CABIN1: variants seen among roughly 807,000 people sequenced by gnomAD.
The protein encoded by CABIN1 is calcineurin-binding protein cabin-1.
A neutral mutation model predicts 227.7 loss-of-function variants in CABIN1; 133 were observed. The observed-to-expected ratio is 0.58, with a 90% CI of 0.51 to 0.67. The LOEUF is 0.67. Among genes scored for constraint, CABIN1 ranks in the 30% least tolerant of loss-of-function variants. The pLI is 0.00. For synonymous variants in CABIN1, 1,086 were observed against 1,155.1 expected, an observed-to-expected ratio of 0.94 and a Z score of 1.21; for missense variants, 2,408 against 2,852.5, an observed-to-expected ratio of 0.84 and a Z score of 3.55.
chr22:24,052,800 A>T (rs1364003892), intron 8 of CABIN1, among the ~76,000 whole-genome samples: 1 of 151,782 alleles, frequency 6.6e-6, no homozygotes, highest in Non-Finnish European at 1.5e-5. Flanking sequence ...CAAAAAAAAA[A>T]AAAAAATTAA....
chr22:24,023,302 A>C (rs1467191547), intron 1 of CABIN1, among the ~76,000 whole-genome samples: 1 of 152,196 alleles, frequency 6.6e-6, no homozygotes, highest in African/African-American at 2.4e-5. Flanking sequence ...ATTGGTGGAC[A>C]CTTGGTTTGT....
At chr22:24,120,211 G>C (rs116684304) in intron 28 of CABIN1, among the ~76,000 whole-genome samples, 1 of 152,148 alleles carries the variant, frequency 6.6e-6, no homozygotes, top group Non-Finnish European at 1.5e-5. Context: ...CTTGTCGCTG[G>C]TGCAGCTGCC....
chr22:24,161,021 TTCC>T (rs2046122934), intron 29 of CABIN1, among the ~76,000 whole-genome samples: 1 of 152,236 alleles, frequency 6.6e-6, no homozygotes, highest in Admixed American at 6.5e-5. Flanking sequence ...GAGGCTCTGT[TTCC>T]TCAAGAGCAG....
chr22:24,060,827 G>A (rs553117827), intron 12 of CABIN1, among the ~76,000 whole-genome samples: 3 of 152,270 alleles, frequency 2.0e-5, no homozygotes, highest in Middle Eastern at 3.4e-3. Flanking sequence ...GTGAACCCGG[G>A]AGGCGGAGCT....
chr22:24,056,087 T>C (rs1242460751), intron 9 of CABIN1, 105 bp from the exon 10 acceptor site: 3 of 989,126 alleles, frequency 3.0e-6, no homozygotes, highest in Admixed American at 1.9e-5. Flanking sequence ...TGTCAAAGAG[T>C]TTAATGCTAG....
intron 4 of CABIN1, 116 bp downstream of exon 4, chr22:24,038,577 CATT>C: frequency 1.3e-6 from 1 of 746,500 alleles, no homozygotes; most frequent in Non-Finnish European, 2.4e-6. Flanking sequence ...ACCTTGAAAA[CATT>C]ATTTCACCTC....
intron 29 of CABIN1, among the ~76,000 whole-genome samples, chr22:24,159,721 G>C (rs2046040249): frequency 6.6e-6 from 1 of 152,164 alleles, no homozygotes; most frequent in East Asian, 1.9e-4. Flanking sequence ...TGGCAGCAGG[G>C]GACAGCTGGA....
chr22:24,072,328 T>A, intron 17 of CABIN1, 26 bp from the exon 18 acceptor site: 1 of 1,613,996 alleles, frequency 6.2e-7, no homozygotes, highest in East Asian at 2.2e-5. Flanking sequence ...GTGACACTTC[T>A]GCTGTCTCCC....
At chr22:24,072,998 CAGA>C (rs1271823989) in intron 18 of CABIN1, among the ~76,000 whole-genome samples, 2 of 152,200 alleles carry the variant, frequency 1.3e-5, no homozygotes, top group African/African-American at 4.8e-5. Context: ...ATATCTACCT[CAGA>C]AGGTTATTCT....
intron 25 of CABIN1, among the ~76,000 whole-genome samples, chr22:24,096,709 A>G (rs1186546910): frequency 6.6e-6 from 1 of 152,194 alleles, no homozygotes; most frequent in Non-Finnish European, 1.5e-5. Context: ...TTGGGGTGAC[A>G]TGGGGAATGT....
chr22:24,155,934 C>T (rs1428509593), intron 29 of CABIN1: 1 of 506,398 alleles, frequency 2.0e-6, no homozygotes, highest in South Asian at 2.5e-5. Flanking sequence ...CCTGGGCCCG[C>T]TTCCAGTAGA....
At chr22:24,143,365 G>A (rs2044895427) in intron 29 of CABIN1, among the ~76,000 whole-genome samples, 1 of 152,228 alleles carries the variant, frequency 6.6e-6, no homozygotes, top group African/African-American at 2.4e-5. Context: ...TGGGATTCCA[G>A]ACTGAGAGGG....
chr22:24,113,850 C>T, intron 27 of CABIN1, 102 bp downstream of exon 27: 2 of 1,242,956 alleles, frequency 1.6e-6, no homozygotes, highest in Non-Finnish European at 2.3e-6. Flanking sequence ...CTGGGCAAGT[C>T]ACTTACTCCC....
intron 29 of CABIN1, among the ~76,000 whole-genome samples, chr22:24,158,245 A>G (rs2045953073): frequency 6.6e-6 from 1 of 152,124 alleles, no homozygotes; most frequent in South Asian, 2.1e-4. Flanking sequence ...GGAAGACAGA[A>G]CACTCACCCA....
Position 24,072,521 on chromosome 22 carries a change from A to T in CABIN1, c.2632+11A>T, listed in dbSNP as rs2040163590. ...ACCCAGCGGAGGAAGGTGCACAGGCAGTGGGTGCAGTGGGGATGAGCTCTG... is the reference window on the plus strand; with the variant it reads ...ACCCAGCGGAGGAAGGTGCACAGGCTGTGGGTGCAGTGGGGATGAGCTCTG... On this transcript the variant is annotated intron_variant, in intron 18 of 36. Coordinates refer to ENST00000263119, the MANE Select transcript of CABIN1 (RefSeq NM_012295.4). The T allele has an allele frequency of 1.2e-6, 2 of 1,613,918 alleles. No individual in the cohort carries two copies. Among genetic ancestry groups the T allele is most frequent in the Admixed American group, 3.3e-5 (2 of 60,006 alleles).
chr22:24,051,356 GGTCTGGGCTTCTCCGCTCTCAAGTCCAT>G (rs2038319498), intron 8 of CABIN1, among the ~76,000 whole-genome samples: 1 of 151,996 alleles, frequency 6.6e-6, no homozygotes, highest in East Asian at 1.9e-4. Flanking sequence ...GACAGTCCCG[GGTCTGGGCTTCTCCGCTCTCAAGTCCAT>G]GTTTTCTCTC....
At chr22:24,017,607 G>A (rs1242940893) in intron 1 of CABIN1, among the ~76,000 whole-genome samples, 5 of 152,098 alleles carry the variant, frequency 3.3e-5, no homozygotes, top group East Asian at 1.9e-4. Context: ...TGGCTTATTC[G>A]ACTTACTGTA....
At chr22:24,169,081 G>A (rs193080594) in intron 33 of CABIN1, among the ~76,000 whole-genome samples, 14 of 152,064 alleles carry the variant, frequency 9.2e-5, no homozygotes, top group African/African-American at 1.9e-4. Context: ...AGGGGGGGGC[G>A]GGGTCCAAGA....
At chr22:24,084,074 G>A (rs2040983320) in intron 20 of CABIN1, among the ~76,000 whole-genome samples, 1 of 152,226 alleles carries the variant, frequency 6.6e-6, no homozygotes, top group South Asian at 2.1e-4. Context: ...ACCAAGTGGA[G>A]AGGGTCTGTG....
Sources: allele counts gnomAD v4.1 joint callset (sites outside exome capture counted in the v4.1 genomes callset), GRCh38; gene constraint gnomAD v4.1.1; transcripts MANE v1.5; gene names NCBI Gene and HGNC (gene_info 2026-07-23, HGNC 2026-07-21).